The following CSMD1 variants were observed in gnomAD, a reference collection of about 807,000 sequenced individuals.
CSMD1 encodes the protein CUB and Sushi multiple domains 1.
CSMD1 carries 213 observed loss-of-function variants against 417.5 expected under a neutral mutation model. The ratio of observed to expected loss-of-function variants is 0.51; its 90% CI spans 0.46 to 0.57. The LOEUF is 0.57. Among genes scored for constraint, CSMD1 ranks in the 20% least tolerant of loss-of-function variants. The probability of loss-of-function intolerance (pLI) is 0.00; values close to 1 mark genes in which losing one functional copy is unlikely to be tolerated. For synonymous variants in CSMD1, 2,862 were observed against 1,736.8 expected (o/e 1.65, Z -16.11); for missense variants, 6,923 against 4,529.7 (o/e 1.53, Z -15.17).
At chr8:4,801,972 T>A (rs1342011903) in intron 1 of CSMD1, among the ~76,000 whole-genome samples, 1 of 152,222 alleles carries the variant, frequency 6.6e-6, no homozygotes, top group Non-Finnish European at 1.5e-5. Flanking sequence ...TCATATTTAC[T>A]GCATCCATCA....
At chr8:2,964,470 G>C (rs553256195) in intron 59 of CSMD1, among the ~76,000 whole-genome samples, 1 of 152,218 alleles carries the variant, frequency 6.6e-6, no homozygotes, top group Admixed American at 6.5e-5. Context: ...AGGGGGAATG[G>C]GAGGAGACAA....
chr8:3,029,546 T>C (rs1248890698), intron 50 of CSMD1, 33 bp from the exon 51 acceptor site: 4 of 1,547,454 alleles, frequency 2.6e-6, no homozygotes, highest in Non-Finnish European at 3.5e-6. Flanking sequence ...ATCATCATTT[T>C]TCTTTTTTGG....
chr8:2,951,538 T>C (rs544366889), intron 65 of CSMD1, among the ~76,000 whole-genome samples: 1 of 152,320 alleles, frequency 6.6e-6, no homozygotes, highest in East Asian at 1.9e-4. Context: ...GCATACCTAC[T>C]TTAACAGCCC....
intron 3 of CSMD1, among the ~76,000 whole-genome samples, chr8:4,069,179 C>T (rs140036172): frequency 6.6e-6 from 1 of 152,252 alleles, no homozygotes; most frequent in Admixed American, 6.5e-5. Flanking sequence ...GATGGGTAGG[C>T]ATAAAACCAC....
At chr8:4,278,728 T>C (rs1394280458) in intron 3 of CSMD1, among the ~76,000 whole-genome samples, 1 of 152,214 alleles carries the variant, frequency 6.6e-6, no homozygotes, top group African/African-American at 2.4e-5. Context: ...TTGCTGCCAC[T>C]ATCATCTCTG....
intron 2 of CSMD1, among the ~76,000 whole-genome samples, chr8:4,457,966 A>T (rs988415202): frequency 2.0e-5 from 3 of 152,034 alleles, no homozygotes; most frequent in African/African-American, 7.2e-5. Context: ...ACCCAGATGT[A>T]CTTCTTTGGT....
chr8:4,753,160 G>C (rs1811443584), intron 1 of CSMD1, among the ~76,000 whole-genome samples: 1 of 152,098 alleles, frequency 6.6e-6, no homozygotes, highest in Non-Finnish European at 1.5e-5. Flanking sequence ...ACTTGTCTGA[G>C]ATCATACATA....
chr8:4,566,773 T>G (rs1798633680), intron 2 of CSMD1, among the ~76,000 whole-genome samples: 1 of 152,162 alleles, frequency 6.6e-6, no homozygotes, highest in Admixed American at 6.5e-5. Context: ...AAATTTATTT[T>G]AATGAATAAA....
intron 51 of CSMD1, among the ~76,000 whole-genome samples, chr8:3,023,518 T>C (rs1313720084): frequency 6.6e-6 from 1 of 152,180 alleles, no homozygotes; most frequent in Non-Finnish European, 1.5e-5. Context: ...TTATTGTTTC[T>C]TGAAGGACAG....
intron 7 of CSMD1, among the ~76,000 whole-genome samples, chr8:3,698,490 A>G (rs963593661): frequency 1.3e-5 from 2 of 152,220 alleles, no homozygotes; most frequent in African/African-American, 2.4e-5. Context: ...TTAAAGCAAG[A>G]CCTACAGCAC....
chr8:3,205,937 A>G (rs1178692494), intron 30 of CSMD1, among the ~76,000 whole-genome samples: 6 of 152,180 alleles, frequency 3.9e-5, no homozygotes, highest in Non-Finnish European at 8.8e-5. Context: ...ATTATTTTAG[A>G]AAGTCTCGCG....
chr8:3,606,642 A>G (rs4452810), intron 8 of CSMD1, among the ~76,000 whole-genome samples: 45,922 of 151,766 alleles, frequency 0.3, 7,793 homozygotes, highest in Middle Eastern at 0.46. Context: ...GCCACTATAA[A>G]TTTATTAATG....
At chr8:3,608,282 T>A (rs931844338) in intron 8 of CSMD1, among the ~76,000 whole-genome samples, 2 of 151,240 alleles carry the variant, frequency 1.3e-5, no homozygotes, top group East Asian at 2.0e-4. Context: ...TCATGCAGAA[T>A]CAGGGCTGTG....
chr8:4,185,678 A>G (rs1798629624), intron 3 of CSMD1, among the ~76,000 whole-genome samples: 2 of 152,216 alleles, frequency 1.3e-5, no homozygotes, highest in African/African-American at 4.8e-5. Context: ...TAAATGCCCA[A>G]TGAATGTCTA....
intron 1 of CSMD1, among the ~76,000 whole-genome samples, chr8:4,841,624 G>C (rs1227733295): frequency 6.6e-6 from 1 of 151,998 alleles, no homozygotes; most frequent in Non-Finnish European, 1.5e-5. Context: ...TAGAAGTTCA[G>C]AACAGGTCAG....
At chr8:4,764,640 C>G (rs549684286) in intron 1 of CSMD1, among the ~76,000 whole-genome samples, 3 of 151,294 alleles carry the variant, frequency 2.0e-5, no homozygotes, top group East Asian at 3.9e-4. Context: ...TTAGATAATT[C>G]TCTTTGGTGT....
At chr8:3,498,803 A>C (rs997820127) in intron 10 of CSMD1, among the ~76,000 whole-genome samples, 1 of 151,702 alleles carries the variant, frequency 6.6e-6, no homozygotes. Flanking sequence ...TTATTTTTTA[A>C]ATTGTATTCA....
Position 4,372,040 on chromosome 8 carries a change from C to A in CSMD1, c.415+47913G>T, listed in dbSNP as rs577821157. On this transcript the variant is annotated intron_variant, in intron 3 of 69. Transcript: ENST00000635120. ...AGCACGATATAGCTACAGGTCATGG[C>A]AAGGTCTGGGGTGAACATGGCAGTA... Among the ~76,000 whole-genome samples, 6 of 151,380 alleles carry A rather than the reference C, an allele frequency of 4.0e-5. No homozygotes were observed. The South Asian group carries it at 1.3e-3, about 32-fold the overall frequency.
At chr8:4,415,248 C>T (rs149953069) in intron 3 of CSMD1, among the ~76,000 whole-genome samples, 3 of 152,244 alleles carry the variant, frequency 2.0e-5, no homozygotes, top group East Asian at 3.9e-4. Context: ...CCATCAACTC[C>T]GCCTCACTTC....
Sources: allele counts gnomAD v4.1 joint callset (sites outside exome capture counted in the v4.1 genomes callset), GRCh38; gene constraint gnomAD v4.1.1; transcripts MANE v1.5; gene names NCBI Gene and HGNC (gene_info 2026-07-23, HGNC 2026-07-21).